The following WDR33 variants were observed in gnomAD, a reference collection of about 807,000 sequenced individuals.
WDR33 encodes the protein WD repeat domain 33.
WDR33 carries 47 observed loss-of-function variants against 164.9 expected under a neutral mutation model. The observed-to-expected ratio is 0.29, with a 90% CI of 0.23 to 0.36. The LOEUF (loss-of-function observed/expected upper bound fraction) is 0.36. Among genes scored for constraint, WDR33 ranks in the 10% least tolerant of loss-of-function variants. The pLI, the probability that WDR33 is intolerant of heterozygous loss-of-function variation, is 1.00. For missense variants in WDR33, 1,137 were observed against 1,754.1 expected (o/e 0.65, Z 6.28); for synonymous variants, 505 against 589.0 (o/e 0.86, Z 2.06).
At chr2:127,773,923 C>T (rs774804848) in intron 1 of WDR33, among the ~76,000 whole-genome samples, 6 of 151,910 alleles carry the variant, frequency 3.9e-5, no homozygotes, top group Non-Finnish European at 8.8e-5. Flanking sequence ...TGCCACCATG[C>T]CCAGGTAATT....
chr2:127,749,334 T>A (rs939572877), intron 7 of WDR33, among the ~76,000 whole-genome samples: 1 of 151,838 alleles, frequency 6.6e-6, no homozygotes, highest in South Asian at 2.1e-4. Flanking sequence ...ACGGTCTCAA[T>A]AAAACAAAAC....
intron 1 of WDR33, among the ~76,000 whole-genome samples, chr2:127,809,810 G>C (rs1257717217): frequency 6.6e-6 from 1 of 152,066 alleles, no homozygotes; most frequent in Non-Finnish European, 1.5e-5. Context: ...CAAGTTTCAA[G>C]AAGATAGTCT....
chr2:127,758,531 G>C (rs1455961513), intron 7 of WDR33, among the ~76,000 whole-genome samples: 1 of 152,152 alleles, frequency 6.6e-6, no homozygotes, highest in Non-Finnish European at 1.5e-5. Flanking sequence ...TACAATTACA[G>C]TAAGTATAAT....
At chr2:127,797,622 T>C (rs367634054) in intron 1 of WDR33, among the ~76,000 whole-genome samples, 5 of 152,338 alleles carry the variant, frequency 3.3e-5, no homozygotes, top group African/African-American at 9.6e-5. Flanking sequence ...TCTGTAATTA[T>C]GAACAAATTT....
At chr2:127,793,778 C>T (rs1469590652) in intron 1 of WDR33, among the ~76,000 whole-genome samples, 3 of 151,820 alleles carry the variant, frequency 2.0e-5, no homozygotes. Context: ...CAATGTAAAA[C>T]AGTATGAAAT....
chr2:127,726,892 A>C lies in WDR33; in HGVS notation c.725-115T>G. 5.0e-6 allele frequency: 7 copies of C among 1,400,180 alleles called. No individual in the cohort carries two copies. In the South Asian group the frequency reaches 9.4e-5, roughly 19 times the overall value. The allele number at this position is 1,400,180 out of a possible 1,614,324, so 86.7% of individuals were successfully genotyped here. ...GCTCTCAGTGCTCAGTCAACTTAAAACTTGTTTTGTGAAGACTCTTTGGCC... is the reference window on the plus strand; with the variant it reads ...GCTCTCAGTGCTCAGTCAACTTAAACCTTGTTTTGTGAAGACTCTTTGGCC... On this transcript the variant is annotated intron_variant, in intron 7 of 21. Transcript: ENST00000322313. This position sits in a 1 kb window ranked among gnomAD's most constrained non-coding sequence, Gnocchi z 4.8.
chr2:127,709,593 G>C lies in WDR33; in HGVS notation c.3473-11C>G. 6.2e-7 allele frequency: 1 copy of C among 1,612,774 alleles called. No individual in the cohort carries two copies. The highest frequency in any genetic ancestry group is 8.5e-7 in the Non-Finnish European group (1 of 1,178,856). Reference sequence around the variant, plus strand: ...AACCCTTCCTTCCTCCTACACAACAGAGCAAACAATGCTGCACTCAGACTG... The same window carrying C: ...AACCCTTCCTTCCTCCTACACAACACAGCAAACAATGCTGCACTCAGACTG... On this transcript the variant is annotated splice_polypyrimidine_tract_variant and intron_variant, in intron 19 of 21. Coordinates refer to ENST00000322313, the MANE Select transcript of WDR33 (RefSeq NM_018383.5). This position sits in a 1 kb window ranked among gnomAD's most constrained non-coding sequence, Gnocchi z 5.0.
Position 127,708,988 on chromosome 2 carries a change from C to A in WDR33, c.3566-96G>T. ...AGAGTAAGGAGCAACTCGAGAGCCA[C>A]CGTTCACTCATGCTGAATGCCCGCC... is the stretch of plus-strand genomic sequence containing the variant. On this transcript the variant is annotated intron_variant, in intron 20 of 21. Coordinates refer to ENST00000322313, the MANE Select transcript of WDR33 (RefSeq NM_018383.5). The surrounding 1 kb of genome is among the most constrained non-coding windows in gnomAD (Gnocchi z 6.7). 1 of 1,311,120 alleles carries A rather than the reference C, an allele frequency of 7.6e-7. No homozygotes were observed. Among genetic ancestry groups the A allele is most frequent in the Non-Finnish European group, 1.0e-6 (1 of 992,778 alleles). The allele number at this position is 1,311,120 out of a possible 1,614,324, so 81.2% of individuals were successfully genotyped here.
At chr2:127,758,906 A>G (rs1248044156) in intron 7 of WDR33, among the ~76,000 whole-genome samples, 1 of 152,102 alleles carries the variant, frequency 6.6e-6, no homozygotes, top group Admixed American at 6.6e-5. Context: ...TAACTTGCAT[A>G]TAGGATACTC....
At chr2:127,771,539 G>C (rs1016156017) in intron 1 of WDR33, among the ~76,000 whole-genome samples, 1 of 152,118 alleles carries the variant, frequency 6.6e-6, no homozygotes, top group Non-Finnish European at 1.5e-5. Flanking sequence ...AAAAGACTAC[G>C]GTCAAGGCGG....
At chr2:127,756,765 T>C (rs1434906480) in intron 7 of WDR33, among the ~76,000 whole-genome samples, 2 of 152,112 alleles carry the variant, frequency 1.3e-5, no homozygotes, top group Non-Finnish European at 2.9e-5. Flanking sequence ...TTAATAATCA[T>C]AGGGATTTGT....
intron 4 of WDR33, among the ~76,000 whole-genome samples, chr2:127,767,168 A>T (rs1442933393): frequency 1.3e-5 from 2 of 151,806 alleles, no homozygotes; most frequent in Non-Finnish European, 2.9e-5. Context: ...GCTCTCTATC[A>T]TACTCCTCTG....
At chr2:127,804,106 G>C (rs1485922691) in intron 1 of WDR33, among the ~76,000 whole-genome samples, 2 of 152,130 alleles carry the variant, frequency 1.3e-5, no homozygotes, top group Admixed American at 6.6e-5. Context: ...TGGATCACAA[G>C]GTCAGGAGAT....
chr2:127,757,175 T>C (rs764445370), intron 7 of WDR33, among the ~76,000 whole-genome samples: 4 of 151,904 alleles, frequency 2.6e-5, no homozygotes, highest in Non-Finnish European at 5.9e-5. Context: ...AGCAGCAGCA[T>C]GCAACTCTGC....
At position 127,722,021 on chromosome 2, in the gene WDR33, T is replaced by G. The variant is rs1686453745; in HGVS notation, c.1519-33A>C. ...AAGAAGAGAATATTAAAATGTACGC[T>G]AAGTATGAAAATTACAATGATAGAA... On this transcript the variant is annotated intron_variant, in intron 14 of 21. Transcript: ENST00000322313. The surrounding 1 kb of genome is among the most constrained non-coding windows in gnomAD (Gnocchi z 5.1). The G allele has an allele frequency of 6.2e-7, 1 of 1,601,024 alleles. No individual in the cohort carries two copies. The highest frequency in any genetic ancestry group is 1.8e-5 in the Admixed American group (1 of 55,974).
In WDR33 at chr2:127,764,657, T is replaced by C; in HGVS notation, c.626+171A>G. 6.4e-7 allele frequency: 1 copy of C among 1,565,786 alleles called. No homozygotes were observed. The highest frequency in any genetic ancestry group is 8.7e-7 in the Non-Finnish European group (1 of 1,154,338). On this transcript the variant is annotated intron_variant, in intron 6 of 21. Coordinates refer to ENST00000322313, the MANE Select transcript of WDR33 (RefSeq NM_018383.5). The surrounding 1 kb of genome is among the most constrained non-coding windows in gnomAD (Gnocchi z 6.2). ...CCGGGACAACACTACTTCAGAAAGGTGCCAGCAAAATGGTGAATGTGTGAA... is the reference window on the plus strand; with the variant it reads ...CCGGGACAACACTACTTCAGAAAGGCGCCAGCAAAATGGTGAATGTGTGAA...
intron 7 of WDR33, among the ~76,000 whole-genome samples, chr2:127,744,278 A>C (rs1304635330): frequency 1.3e-5 from 2 of 152,184 alleles, no homozygotes; most frequent in East Asian, 3.8e-4. Context: ...TACGTAAGTA[A>C]CACAAATATA....
At position 127,726,521 on chromosome 2, in the gene WDR33, A is replaced by T. The variant is rs1230331763; in HGVS notation, c.851+130T>A. 8.1e-7 allele frequency: 1 copy of T among 1,235,352 alleles called. No homozygotes were observed. The highest frequency in any genetic ancestry group is 1.1e-6 in the Non-Finnish European group (1 of 901,374). The allele number at this position is 1,235,352 out of a possible 1,614,324, so 76.5% of individuals were successfully genotyped here. On this transcript the variant is annotated intron_variant, in intron 8 of 21. Transcript: ENST00000322313. This position sits in a 1 kb window ranked among gnomAD's most constrained non-coding sequence, Gnocchi z 4.8. ...CATATTTAATTCATAAGAAGTCTAT[A>T]GATCCAAGTCCATCTGTTGCCTAAA...
In WDR33 at chr2:127,724,649, A is replaced by G. The variant is rs939153745; in HGVS notation, c.1086-206T>C. ...TCATCCAAAGAGCACTTCACAGGGG[A>G]AAAGGCTGCAAGCATTTAGAAACTA... On this transcript the variant is annotated intron_variant, in intron 10 of 21. Transcript: ENST00000322313. This position sits in a 1 kb window ranked among gnomAD's most constrained non-coding sequence, Gnocchi z 4.8. 6.6e-5 allele frequency among the ~76,000 whole-genome samples: 10 copies of G among 152,216 alleles called. No individual in the cohort carries two copies. The highest frequency in any genetic ancestry group is 1.0e-4 in the Non-Finnish European group (7 of 68,030).
Sources: gnomAD v4.1 joint callset for allele counts (sites outside exome capture counted in the v4.1 genomes callset) on GRCh38, gnomAD v4.1.1 for gene constraint, Gnocchi (gnomAD v3.1) non-coding constraint, MANE v1.5 for transcripts, NCBI Gene and HGNC (gene_info 2026-07-23, HGNC 2026-07-21) for gene names.